Variants in RGS6 observed in about 807,000 individuals in gnomAD.
The protein encoded by RGS6 is regulator of G protein signaling 6.
RGS6 carries 30 observed loss-of-function variants against 78.5 expected under a neutral mutation model. That is an observed-to-expected ratio of 0.38 (90% CI 0.29 to 0.52). The LOEUF is 0.52. Among genes scored for constraint, RGS6 ranks in the 20% least tolerant of loss-of-function variants. The pLI is 0.85. For synonymous variants in RGS6, 206 were observed against 206.0 expected (o/e 1.00, Z 0.00); for missense variants, 495 against 609.7 (o/e 0.81, Z 1.98).
intron 2 of RGS6, among the ~76,000 whole-genome samples, chr14:72,063,173 A>C (rs527421730): frequency 6.6e-6 from 1 of 152,270 alleles, no homozygotes; most frequent in East Asian, 1.9e-4. Flanking sequence ...AAAGATGTTG[A>C]AGAACTGAAT....
chr14:72,090,300 C>T (rs1305151152), intron 2 of RGS6, among the ~76,000 whole-genome samples: 2 of 152,068 alleles, frequency 1.3e-5, no homozygotes, highest in Non-Finnish European at 2.9e-5. Flanking sequence ...AGTACCGGTC[C>T]CTGGCCTGTT....
chr14:72,550,093 T>G (rs1203615716), intron 17 of RGS6, among the ~76,000 whole-genome samples: 1 of 151,212 alleles, frequency 6.6e-6, no homozygotes, highest in East Asian at 1.9e-4. Flanking sequence ...ATCGTGGGAT[T>G]GTGTAATTAT....
intron 2 of RGS6, among the ~76,000 whole-genome samples, chr14:72,220,255 C>G (rs987794205): frequency 6.6e-6 from 1 of 152,150 alleles, no homozygotes; most frequent in Non-Finnish European, 1.5e-5. Flanking sequence ...GAAAAACATT[C>G]CACATGAATT....
At chr14:72,196,339 ACCTGGGATTTCC>A (rs1208674790) in intron 2 of RGS6, among the ~76,000 whole-genome samples, 1 of 152,150 alleles carries the variant, frequency 6.6e-6, no homozygotes. Flanking sequence ...AACAGCAGGG[ACCTGGGATTTCC>A]CCTCCTCACT....
intron 2 of RGS6, among the ~76,000 whole-genome samples, chr14:72,341,451 T>C (rs1013617717): frequency 2.0e-5 from 3 of 152,166 alleles, no homozygotes; most frequent in African/African-American, 7.2e-5. Flanking sequence ...GTAACATGTA[T>C]AATACATATG....
intron 2 of RGS6, among the ~76,000 whole-genome samples, chr14:72,136,230 A>G (rs913122198): frequency 3.9e-5 from 6 of 152,122 alleles, no homozygotes; most frequent in Non-Finnish European, 5.9e-5. Flanking sequence ...TCACCCAAAG[A>G]AGAGACACTC....
chr14:72,424,527 C>T (rs1321991619), intron 3 of RGS6, among the ~76,000 whole-genome samples: 1 of 152,100 alleles, frequency 6.6e-6, no homozygotes, highest in Admixed American at 6.5e-5. Flanking sequence ...TAATTCTTCC[C>T]TTGCTGGGAG....
intron 1 of RGS6, among the ~76,000 whole-genome samples, chr14:71,961,216 A>G (rs1486368061): frequency 6.6e-6 from 1 of 152,188 alleles, no homozygotes; most frequent in East Asian, 1.9e-4. Context: ...GGGCTGGGAT[A>G]TAGGCAGTAT....
Position 72,509,510 on chromosome 14 carries a change from T to C in RGS6, c.966-644T>C, listed in dbSNP as rs146542890. Among the ~76,000 whole-genome samples, 585 of 152,292 alleles carry C rather than the reference T, an allele frequency of 3.8e-3. 6 individuals carry two copies. Among genetic ancestry groups the C allele is most frequent in the African/African-American group, 0.014 (572 of 41,552 alleles). ...CCTATCTGGAAAATGGGAATCATAC[T>C]AGTACATTTTTCACAGAGCAGTTGT... is the stretch of plus-strand genomic sequence containing the variant. On this transcript the variant is annotated intron_variant, in intron 13 of 17. Coordinates refer to ENST00000553525, the MANE Select transcript of RGS6 (RefSeq NM_001204424.2).
intron 2 of RGS6, among the ~76,000 whole-genome samples, chr14:72,247,798 C>G (rs2054601048): frequency 6.6e-6 from 1 of 152,152 alleles, no homozygotes. Flanking sequence ...TCCTGTTGCT[C>G]TCTTGTGGAC....
chr14:72,038,019 G>A (rs2091953275), intron 2 of RGS6, among the ~76,000 whole-genome samples: 1 of 146,126 alleles, frequency 6.8e-6, no homozygotes, highest in South Asian at 2.1e-4. Flanking sequence ...TGCCCAGGCT[G>A]GAGTGCAATG....
At chr14:72,511,044 C>A (rs867955882) in intron 14 of RGS6, among the ~76,000 whole-genome samples, 1 of 152,136 alleles carries the variant, frequency 6.6e-6, no homozygotes, top group South Asian at 2.1e-4. Context: ...AATTTGGGAA[C>A]TTGTTTATTT....
chr14:72,523,856 C>A (rs1379605469), intron 15 of RGS6, among the ~76,000 whole-genome samples: 1 of 152,014 alleles, frequency 6.6e-6, no homozygotes, highest in Non-Finnish European at 1.5e-5. Context: ...GGACTCAGTT[C>A]TTTATGCTAT....
chr14:72,235,881 T>C (rs2050879998), intron 2 of RGS6, among the ~76,000 whole-genome samples: 2 of 152,256 alleles, frequency 1.3e-5, no homozygotes, highest in South Asian at 4.1e-4. Flanking sequence ...TTTATTGTAT[T>C]AGAAAGTGAA....
the RGS6 span, among the ~76,000 whole-genome samples, chr14:72,618,362 T>C: frequency 6.6e-6 from 1 of 152,140 alleles, no homozygotes; most frequent in African/African-American, 2.4e-5. Context: ...TTCGGACACA[T>C]GATTGGGCAG....
At chr14:72,129,890 A>T (rs1423419075) in intron 2 of RGS6, among the ~76,000 whole-genome samples, 1 of 152,138 alleles carries the variant, frequency 6.6e-6, no homozygotes, top group Admixed American at 6.6e-5. Flanking sequence ...TCCCATCGAT[A>T]ACTGGTATCA....
At chr14:72,574,151 G>A in the RGS6 span, among the ~76,000 whole-genome samples, 1 of 152,214 alleles carries the variant, frequency 6.6e-6, no homozygotes, top group Non-Finnish European at 1.5e-5. Context: ...AGGTGACCTT[G>A]ACACTTCTCA....
intron 3 of RGS6, among the ~76,000 whole-genome samples, chr14:72,393,618 T>A (rs1446401020): frequency 6.6e-6 from 1 of 151,320 alleles, no homozygotes; most frequent in Non-Finnish European, 1.5e-5. Context: ...TATCTGCTAT[T>A]GAGAAGAGTG....
chr14:72,606,413 C>T, the RGS6 span, among the ~76,000 whole-genome samples: 1 of 152,198 alleles, frequency 6.6e-6, no homozygotes, highest in South Asian at 2.1e-4. Context: ...AGTAGCCTTT[C>T]TGCCAACCCA....
Sources: gnomAD v4.1 joint callset for allele counts (sites outside exome capture counted in the v4.1 genomes callset) on GRCh38, gnomAD v4.1.1 for gene constraint, MANE v1.5 for transcripts, NCBI Gene and HGNC (gene_info 2026-07-23, HGNC 2026-07-21) for gene names.